LINGO2: variants seen among roughly 807,000 people sequenced by gnomAD.
LINGO2 encodes leucine-rich repeat and immunoglobulin-like domain-containing nogo receptor-interacting protein 2.
In LINGO2, 14 loss-of-function variants were observed where a neutral mutation model predicts 30.6. The observed-to-expected ratio is 0.46, with a 90% CI of 0.30 to 0.72. The LOEUF (loss-of-function observed/expected upper bound fraction) is 0.72. LINGO2 is among the 30% of genes least tolerant of loss of function. The pLI, the probability that LINGO2 is intolerant of heterozygous loss-of-function variation, is 0.07. For synonymous variants in LINGO2, 317 were observed against 288.5 expected, an observed-to-expected ratio of 1.10 and a Z score of -1.00; for missense variants, 729 against 751.7, an observed-to-expected ratio of 0.97 and a Z score of 0.35.
chr9:28,779,629 T>C, the LINGO2 span, among the ~76,000 whole-genome samples: 2 of 152,142 alleles, frequency 1.3e-5, no homozygotes, highest in African/African-American at 4.8e-5. Flanking sequence ...GAGTGTACAA[T>C]ATCACCTGTC....
chr9:29,190,493 ATTAC>A, the LINGO2 span, among the ~76,000 whole-genome samples: 4 of 152,184 alleles, frequency 2.6e-5, no homozygotes, highest in Admixed American at 1.3e-4. Context: ...TTAATGTAAT[ATTAC>A]TTATTTAGTT....
chr9:28,822,928 C>T, the LINGO2 span, among the ~76,000 whole-genome samples: 1 of 152,104 alleles, frequency 6.6e-6, no homozygotes, highest in Non-Finnish European at 1.5e-5. Flanking sequence ...TTCAAAGTGA[C>T]AACTGAATAA....
the LINGO2 span, among the ~76,000 whole-genome samples, chr9:28,889,141 A>G: frequency 1.3e-5 from 2 of 152,166 alleles, no homozygotes; most frequent in African/African-American, 4.8e-5. Flanking sequence ...TTCAATAAAT[A>G]TTGATTGAGC....
chr9:28,540,958 T>C (rs1455679572), intron 1 of LINGO2, among the ~76,000 whole-genome samples: 3 of 152,180 alleles, frequency 2.0e-5, no homozygotes, highest in African/African-American at 7.2e-5. Context: ...ATTTCTACAA[T>C]GGTTTCATTT....
chr9:28,334,059 G>T (rs905285540), intron 3 of LINGO2, among the ~76,000 whole-genome samples: 3 of 152,132 alleles, frequency 2.0e-5, no homozygotes, highest in Non-Finnish European at 2.9e-5. Context: ...CCCTTGTGCT[G>T]CAGTTTGCTT....
chr9:28,185,231 T>C lies in LINGO2; in HGVS notation c.-87+109977A>G, dbSNP rs545024878. Reference sequence around the variant, plus strand: ...TCACAGTTCACCAGTGTGCAGACATTAAAGAGTAAGCAATAATTTCTTGCC... The same window carrying C: ...TCACAGTTCACCAGTGTGCAGACATCAAAGAGTAAGCAATAATTTCTTGCC... On this transcript the variant is annotated intron_variant, in intron 4 of 5. Transcript: ENST00000379992. Among the ~76,000 whole-genome samples the C allele has an allele frequency of 9.8e-5, 15 of 152,328 alleles. No homozygotes were observed. The South Asian group carries it at 2.9e-3, about 29-fold the overall frequency.
intron 4 of LINGO2, among the ~76,000 whole-genome samples, chr9:28,111,821 T>C (rs917172957): frequency 4.0e-5 from 6 of 151,496 alleles, no homozygotes; most frequent in African/African-American, 1.2e-4. Flanking sequence ...CAGGGGAGAG[T>C]GATGCATTAT....
chr9:28,236,350 T>C (rs559010420), intron 4 of LINGO2, among the ~76,000 whole-genome samples: 1 of 152,086 alleles, frequency 6.6e-6, no homozygotes, highest in East Asian at 1.9e-4. Flanking sequence ...ATCTGAAAAA[T>C]AAATGTTAAT....
intron 3 of LINGO2, among the ~76,000 whole-genome samples, chr9:28,319,788 G>T (rs1824973191): frequency 6.6e-6 from 1 of 152,078 alleles, no homozygotes; most frequent in Non-Finnish European, 1.5e-5. Flanking sequence ...CTTCTGATGG[G>T]ATTATACTGC....
chr9:29,190,294 A>C, the LINGO2 span, among the ~76,000 whole-genome samples: 1 of 152,312 alleles, frequency 6.6e-6, no homozygotes, highest in Non-Finnish European at 1.5e-5. Flanking sequence ...ATATGATTAT[A>C]ATAATTAAAT....
At chr9:28,049,009 A>G (rs893642494) in intron 4 of LINGO2, among the ~76,000 whole-genome samples, 6 of 151,172 alleles carry the variant, frequency 4.0e-5, no homozygotes, top group East Asian at 2.0e-4. Context: ...TAATTTTTAA[A>G]TCATTTAAGC....
intron 2 of LINGO2, among the ~76,000 whole-genome samples, chr9:28,461,276 A>C (rs1206548782): frequency 6.6e-6 from 1 of 152,122 alleles, no homozygotes; most frequent in African/African-American, 2.4e-5. Context: ...CTGCCTCACT[A>C]GGAGCCTAAA....
At chr9:28,251,532 T>C (rs1440273211) in intron 4 of LINGO2, among the ~76,000 whole-genome samples, 2 of 152,138 alleles carry the variant, frequency 1.3e-5, no homozygotes, top group Non-Finnish European at 2.9e-5. Context: ...TAATGGATCA[T>C]ACCTGCCTGA....
intron 4 of LINGO2, among the ~76,000 whole-genome samples, chr9:28,190,252 G>C (rs1819773489): frequency 6.6e-6 from 1 of 152,164 alleles, no homozygotes; most frequent in South Asian, 2.1e-4. Flanking sequence ...AAATTTGGGA[G>C]TGTATCTGTT....
chr9:29,144,002 C>T, the LINGO2 span, among the ~76,000 whole-genome samples: 1 of 152,070 alleles, frequency 6.6e-6, no homozygotes, highest in African/African-American at 2.4e-5. Flanking sequence ...TCCAGTTATC[C>T]CAGCACCATT....
intron 1 of LINGO2, among the ~76,000 whole-genome samples, chr9:28,517,238 C>T (rs1291606348): frequency 1.3e-5 from 2 of 152,146 alleles, no homozygotes; most frequent in African/African-American, 2.4e-5. Context: ...CCCTCCACCC[C>T]CACCACAGCT....
At chr9:28,915,726 C>T in the LINGO2 span, among the ~76,000 whole-genome samples, 3 of 152,074 alleles carry the variant, frequency 2.0e-5, no homozygotes, top group African/African-American at 7.2e-5. Context: ...TAAATAAATT[C>T]TAACTGAAGG....
chr9:28,964,854 C>T, the LINGO2 span, among the ~76,000 whole-genome samples: 4 of 151,772 alleles, frequency 2.6e-5, no homozygotes, highest in South Asian at 6.2e-4. Context: ...ATGAACTATG[C>T]GCATGGGATG....
chr9:28,632,998 G>A (rs1189939437), intron 1 of LINGO2, among the ~76,000 whole-genome samples: 1 of 150,806 alleles, frequency 6.6e-6, no homozygotes, highest in Non-Finnish European at 1.5e-5. Flanking sequence ...GCCAGCCCGA[G>A]AGCCAGCCCA....
Sources: allele counts gnomAD v4.1 joint callset (sites outside exome capture counted in the v4.1 genomes callset), GRCh38; gene constraint gnomAD v4.1.1; transcripts MANE v1.5; gene names NCBI Gene and HGNC (gene_info 2026-07-23, HGNC 2026-07-21).